The following PRAG1 variants were observed in gnomAD, a reference collection of about 807,000 sequenced individuals.
PRAG1 encodes the protein PEAK1 related, kinase-activating pseudokinase 1.
PRAG1 carries 110 observed loss-of-function variants against 95.6 expected under a neutral mutation model. That is an observed-to-expected ratio of 1.15 (90% CI 0.99 to 1.35). The LOEUF is 1.35. Ranked by LOEUF, PRAG1 falls within the 40% of genes most tolerant of loss-of-function variation. PRAG1 has a pLI of 0.00. For synonymous variants in PRAG1, 1,052 were observed against 819.4 expected, an observed-to-expected ratio of 1.28 and a Z score of -4.85; for missense variants, 2,554 against 1,864.7, an observed-to-expected ratio of 1.37 and a Z score of -6.81.
intron 3 of PRAG1, among the ~76,000 whole-genome samples, chr8:8,368,240 C>G (rs1040811108): frequency 2.6e-5 from 4 of 152,182 alleles, no homozygotes; most frequent in African/African-American, 9.7e-5. Flanking sequence ...GGCCTGGAAG[C>G]TCCTCTCATG....
At chr8:8,334,841 G>A (rs1798936792) in intron 4 of PRAG1, among the ~76,000 whole-genome samples, 1 of 151,968 alleles carries the variant, frequency 6.6e-6, no homozygotes, top group Non-Finnish European at 1.5e-5. Flanking sequence ...CTAGCACTTT[G>A]GGAGGCTGAG....
chr8:8,325,724 T>C (rs981660900), intron 5 of PRAG1, among the ~76,000 whole-genome samples: 1 of 151,798 alleles, frequency 6.6e-6, no homozygotes, highest in Non-Finnish European at 1.5e-5. Flanking sequence ...GCCTGGCCAA[T>C]ATGGGGAAAC....
At chr8:8,375,069 C>T (rs1490224645) in intron 3 of PRAG1, among the ~76,000 whole-genome samples, 1 of 141,792 alleles carries the variant, frequency 7.1e-6, no homozygotes, top group African/African-American at 2.6e-5. Flanking sequence ...CCATGCACAG[C>T]TCAATAACTA....
chr8:8,370,568 G>C (rs1800158168), intron 3 of PRAG1, among the ~76,000 whole-genome samples: 1 of 152,158 alleles, frequency 6.6e-6, no homozygotes, highest in Non-Finnish European at 1.5e-5. Context: ...GTAAAATGTT[G>C]CCACCCAACT....
intron 3 of PRAG1, among the ~76,000 whole-genome samples, chr8:8,356,445 A>C (rs1585253397): frequency 6.6e-6 from 1 of 152,204 alleles, no homozygotes; most frequent in South Asian, 2.1e-4. Context: ...TCTTGGGTTC[A>C]AGTGATCCTC....
chr8:8,318,863 G>A lies in PRAG1; in HGVS notation c.3512C>T (p.Ala1171Val). 8.2e-7 allele frequency: 1 copy of A among 1,220,486 alleles called. No individual in the cohort carries two copies. The highest frequency in any genetic ancestry group is 3.2e-4 in the Middle Eastern group (1 of 3,126). The allele number at this position is 1,220,486 out of a possible 1,614,324, so 75.6% of individuals were successfully genotyped here. ...AGGCGCGGCGGCGGCGGGGGCGGGA[G>A]CCGGGGCGGGGGCGGGGGCGGGCCC... ...GPGPAPAPAP[A>V]PAPAAAAPPC... Residue 1171 changes from alanine (A) to valine (V), a missense_variant, in exon 6 of 6, where the codon GCT (alanine) becomes GTT (valine). By Grantham distance (64) the Ala-to-Val change is moderately conservative (BLOSUM62 0). Transcript: ENST00000615670. The surrounding 1 kb of genome is among the most constrained non-coding windows in gnomAD (Gnocchi z 4.2).
intron 3 of PRAG1, among the ~76,000 whole-genome samples, chr8:8,367,316 G>C (rs1800040640): frequency 6.6e-6 from 1 of 151,602 alleles, no homozygotes; most frequent in African/African-American, 2.4e-5. Flanking sequence ...AAATCAGCCA[G>C]GCATGGTGGC....
intron 3 of PRAG1, among the ~76,000 whole-genome samples, chr8:8,359,455 C>G (rs1799780362): frequency 6.6e-6 from 1 of 152,126 alleles, no homozygotes; most frequent in Non-Finnish European, 1.5e-5. Context: ...ATCCTTCTAG[C>G]CAATTAGAAA....
chr8:8,327,437 G>T (rs1798667215), intron 5 of PRAG1, among the ~76,000 whole-genome samples: 1 of 152,174 alleles, frequency 6.6e-6, no homozygotes, highest in African/African-American at 2.4e-5. Flanking sequence ...GGGTACCGTG[G>T]TGCACACAGA....
rs1417198124 is a variant in PRAG1 at position 8,336,919 on chromosome 8, C to CG, written c.2320+2558_2320+2559insC. Among the ~76,000 whole-genome samples, 32 of 146,866 alleles carry CG rather than the reference C, an allele frequency of 2.2e-4. 1 individual carries two copies. The highest frequency in any genetic ancestry group is 7.4e-4 in the African/African-American group (29 of 39,154). On this transcript the variant is annotated intron_variant, in intron 4 of 5. Coordinates refer to ENST00000615670, the MANE Select transcript of PRAG1 (RefSeq NM_001080826.3). ...TCCCCACACCCCTTTCCCCCCTCCC[C>CG]CCACCTCCGACATAAAGCATGAATC...
chr8:8,325,032 G>C (rs540349214), intron 5 of PRAG1, among the ~76,000 whole-genome samples: 300 of 152,310 alleles, frequency 2.0e-3, no homozygotes, highest in African/African-American at 7.0e-3. Context: ...ACGAGGCTCC[G>C]TCTGCCTTCA....
At position 8,381,789 on chromosome 8, in the gene PRAG1, C is replaced by A; in HGVS notation, c.-42G>T. ...GCTGGTTCATCTTGCGCCCGGCTCT[C>A]TGGTGCAGTTTTGTGGGATTCAGAG... is the stretch of plus-strand genomic sequence containing the variant. On this transcript the variant is annotated 5_prime_UTR_variant, in exon 2 of 6. Coordinates refer to ENST00000615670, the MANE Select transcript of PRAG1 (RefSeq NM_001080826.3). The A allele has an allele frequency of 1.3e-6, 2 of 1,498,324 alleles. No homozygotes were observed. Among genetic ancestry groups the A allele is most frequent in the South Asian group, 1.3e-5 (1 of 74,622 alleles). 92.8% of individuals were successfully genotyped at this position (1,498,324 alleles called of 1,614,324 possible).
chr8:8,318,852 C>A lies in PRAG1; in HGVS notation c.3523G>T (p.Ala1175Ser). Residue 1175 changes from alanine (A) to serine (S), a missense_variant, in exon 6 of 6, where the codon GCC (alanine) becomes TCC (serine). Coordinates refer to ENST00000615670, the MANE Select transcript of PRAG1 (RefSeq NM_001080826.3). The surrounding 1 kb of genome is among the most constrained non-coding windows in gnomAD (Gnocchi z 4.2). ...GAGGAGCAGGGAGGCGCGGCGGCGG[C>A]GGGGGCGGGAGCCGGGGCGGGGGCG... ...APAPAPAPAPAAAAPPCSSAA... is the reference protein window; with the variant it reads ...APAPAPAPAPSAAAPPCSSAA... 1 of 749,408 alleles carries A rather than the reference C, an allele frequency of 1.3e-6. No homozygotes were observed. Among genetic ancestry groups the A allele is most frequent in the African/African-American group, 3.7e-5 (1 of 26,778 alleles). The allele number at this position is 749,408 out of a possible 1,614,324, so 46.4% of individuals were successfully genotyped here.
In PRAG1 at chr8:8,344,768, G is replaced by GCCAA. The variant is rs1799279487; in HGVS notation, c.2163-5134_2163-5133insTTGG. On this transcript the variant is annotated intron_variant, in intron 3 of 5. Coordinates refer to ENST00000615670, the MANE Select transcript of PRAG1 (RefSeq NM_001080826.3). ...TGGCTGCTCCTGTTGATCTGTTGTT[G>GCCAA]CGCCTCTGGAAGGCAAACAACACAC... is the stretch of plus-strand genomic sequence containing the variant. Among the ~76,000 whole-genome samples, 5 of 152,224 alleles carry GCCAA rather than the reference G, an allele frequency of 3.3e-5. No individual in the cohort carries two copies. The South Asian group carries it at 1.0e-3, about 32-fold the overall frequency.
rs569713074 is a variant in PRAG1, at chr8:8,352,893, T to C, written c.2163-13258A>G. ...GGAAGAAGATATTCCATGCAAATAA[T>C]AACCAAAAGAGAGCAGAGATGGCAA... On this transcript the variant is annotated intron_variant, in intron 3 of 5. Coordinates refer to ENST00000615670, the MANE Select transcript of PRAG1 (RefSeq NM_001080826.3). 2.2e-4 allele frequency among the ~76,000 whole-genome samples: 34 copies of C among 152,140 alleles called. 1 individual carries two copies. In the Middle Eastern group the frequency reaches 0.024, roughly 107 times the overall value.
chr8:8,319,284 G>T lies in PRAG1; in HGVS notation c.3091C>A (p.Pro1031Thr). The change falls in exon 6 of 6, where the codon CCC becomes ACC. Residue 1031 changes from proline (P) to threonine (T), a missense_variant. Physicochemically the swap from Pro to Thr is conservative, Grantham distance 38. Transcript: ENST00000615670. The part of the protein sequence containing the change: ...YAVKICKAPE[P>T]KTVSYCSPSV... ...GGGCTGCAGTAGGAGACTGTTTTGG[G>T]CTCAGGGGCTTTGCAGATCTGTGGA... The T allele has an allele frequency of 2.0e-6, 3 of 1,515,392 alleles. No individual in the cohort carries two copies. Among genetic ancestry groups the T allele is most frequent in the East Asian group, 4.7e-5 (2 of 43,010 alleles). 93.9% of individuals were successfully genotyped at this position (1,515,392 alleles called of 1,614,324 possible).
chr8:8,352,874 A>G (rs1799568505), intron 3 of PRAG1, among the ~76,000 whole-genome samples: 1 of 152,212 alleles, frequency 6.6e-6, no homozygotes, highest in South Asian at 2.1e-4. Context: ...GGAAGGAAGA[A>G]GATATTCCAT....
chr8:8,355,514 G>T (rs557605349), intron 3 of PRAG1, among the ~76,000 whole-genome samples: 2 of 152,070 alleles, frequency 1.3e-5, no homozygotes, highest in African/African-American at 4.8e-5. Flanking sequence ...CATACGTCCC[G>T]ATTTTAAATT....
chr8:8,354,931 C>T lies in PRAG1; in HGVS notation c.2163-15296G>A, dbSNP rs1224969875. On this transcript the variant is annotated intron_variant, in intron 3 of 5. Transcript: ENST00000615670. ...TACTGGAGGTACTAGCAAGGGCAAT[C>T]AGACAAGAAAAAGAAATAAAAGGCA... 2.0e-5 allele frequency among the ~76,000 whole-genome samples: 3 copies of T among 151,890 alleles called. No homozygotes were observed. The East Asian group carries it at 5.8e-4, about 29-fold the overall frequency.
Sources: gnomAD v4.1 joint callset for allele counts (sites outside exome capture counted in the v4.1 genomes callset) on GRCh38, gnomAD v4.1.1 for gene constraint, Gnocchi (gnomAD v3.1) non-coding constraint, MANE v1.5 for transcripts, NCBI Gene and HGNC (gene_info 2026-07-23, HGNC 2026-07-21) for gene names.